The following MC5R variants were observed in gnomAD, a reference collection of about 807,000 sequenced individuals.
MC5R encodes the protein melanocortin 5 receptor, also known as melanocortin receptor 5.
For missense variants in MC5R, 420 were observed against 431.4 expected (o/e 0.97, Z 0.23); for synonymous variants, 167 against 164.4 (o/e 1.02, Z -0.12).
At position 13,825,739 on chromosome 18, in the gene MC5R, C is replaced by A; in HGVS notation, c.-27C>A. ...ACATGTTTTACAGTAAATTTGCTGC[C>A]AAGACAAGAGGTGTATTTCTCCAGC... On this transcript the variant is annotated 5_prime_UTR_variant, in exon 2 of 2. Transcript: ENST00000589410. 1 of 1,533,098 alleles carries A rather than the reference C, an allele frequency of 6.5e-7. No individual in the cohort carries two copies. Among genetic ancestry groups the A allele is most frequent in the South Asian group, 1.3e-5 (1 of 76,962 alleles). The allele number at this position is 1,533,098 out of a possible 1,614,324, so 95.0% of individuals were successfully genotyped here.
chr18:13,826,078 G>T lies in MC5R; in HGVS notation c.313G>T (p.Val105Leu). 6.2e-7 allele frequency: 1 copy of T among 1,614,124 alleles called. No individual in the cohort carries two copies. The stretch of plus-strand genomic sequence containing the variant: ...CTACCTACTCAACAACAAGCACCTA[G>T]TGATAGCAGACGCCTTTGTGCGCCA... ...TIYLLNNKHL[V>L]IADAFVRHID... is the part of the protein sequence containing the mutation. The change falls in exon 2 of 2, where the codon GTG becomes TTG. Residue 105 changes from valine (V) to leucine (L), a missense_variant. By Grantham distance (32) the Val-to-Leu change is conservative (BLOSUM62 1). Transcript: ENST00000589410.
Position 13,826,035 on chromosome 18 carries a change from C to T in MC5R, c.270C>T (p.Ala90=), listed in dbSNP as rs1456622431. The T allele has an allele frequency of 1.2e-6, 2 of 1,614,014 alleles. No homozygotes were observed. The highest frequency in any genetic ancestry group is 1.3e-5 in the African/African-American group (1 of 74,904). The change falls in exon 2 of 2, where the codon GCC becomes GCT. Residue 90 remains alanine (A), a synonymous_variant. Transcript: ENST00000589410. ...ACATGCTGGTGAGCATGTCCAGTGC[C>T]TGGGAGACCATCACCATCTACCTAC... is the stretch of plus-strand genomic sequence containing the variant. ...VADMLVSMSS[A]WETITIYLLN...
rs749323866 is a variant in MC5R, at chr18:13,826,588, T to G, written c.823T>G (p.Ser275Ala). ...PQNLYCSRFM[S>A]HFNMYLILIM... is the part of the protein sequence containing the mutation. The stretch of plus-strand genomic sequence containing the variant: ...GAACCTCTACTGCTCTCGCTTCATG[T>G]CTCACTTCAATATGTACCTCATACT... The change falls in exon 2 of 2, where the codon TCT becomes GCT. Residue 275 changes from serine (S) to alanine (A), a missense_variant. Transcript: ENST00000589410. 1.9e-6 allele frequency: 3 copies of G among 1,614,092 alleles called. No individual in the cohort carries two copies. The highest frequency in any genetic ancestry group is 2.5e-6 in the Non-Finnish European group (3 of 1,180,046).
chr18:13,826,729 C>G lies in MC5R; in HGVS notation c.964C>G (p.Pro322Ala). 6.2e-7 allele frequency: 1 copy of G among 1,608,982 alleles called. No individual in the cohort carries two copies. Reference protein sequence around the residue: ...CRGFRIACSFPRRD With the variant: ...CRGFRIACSFARRD ...TGGTTTCAGGATCGCCTGCAGCTTT[C>G]CCAGAAGGGATTAAGCACAAAGTGC... Residue 322 changes from proline to alanine, a missense_variant, in exon 2 of 2, where the codon CCC becomes GCC. Pro to Ala is a conservative substitution (Grantham distance 27, BLOSUM62 -1). Transcript: ENST00000589410.
intron 1 of MC5R, 53 bp from the exon 2 acceptor site, chr18:13,825,674 C>A: frequency 8.6e-7 from 1 of 1,165,084 alleles, no homozygotes; most frequent in Admixed American, 2.3e-5. Context: ...TGCTGTCTTT[C>A]TTTGGTAGGC....
rs1171149836 is a variant in MC5R at position 13,826,754 on chromosome 18, C to T, written c.*11C>T. On this transcript the variant is annotated 3_prime_UTR_variant, in exon 2 of 2. Coordinates refer to ENST00000589410, the MANE Select transcript of MC5R (RefSeq NM_005913.3). The stretch of plus-strand genomic sequence containing the variant: ...CCCAGAAGGGATTAAGCACAAAGTG[C>T]TCCTCTCTGTGGCTCTGTTCTCCTT... 6.3e-7 allele frequency: 1 copy of T among 1,593,088 alleles called. No individual in the cohort carries two copies. Among genetic ancestry groups the T allele is most frequent in the Non-Finnish European group, 8.5e-7 (1 of 1,171,524 alleles).
rs2044936032 is a variant in MC5R at position 13,827,166 on chromosome 18, T to C, written c.*423T>C. On this transcript the variant is annotated 3_prime_UTR_variant, in exon 2 of 2. Transcript: ENST00000589410. Reference sequence around the variant, plus strand: ...TCTCCCCAGAAGCAGGTCCACACTCTGCTGGCTGCACTCTGAGCTATGCAT... The same window carrying C: ...TCTCCCCAGAAGCAGGTCCACACTCCGCTGGCTGCACTCTGAGCTATGCAT... 6.0e-6 allele frequency: 1 copy of C among 165,740 alleles called. No homozygotes were observed. Among genetic ancestry groups the C allele is most frequent in the Non-Finnish European group, 1.3e-5 (1 of 77,228 alleles). The allele number at this position is 165,740 out of a possible 1,614,324, so 10.3% of individuals were successfully genotyped here. A position where few individuals can be genotyped will look rare whatever the true frequency, so the allele number is the denominator to read the frequency against.
At position 13,827,027 on chromosome 18, in the gene MC5R, T is replaced by G; in HGVS notation, c.*284T>G. 1 of 353,470 alleles carries G rather than the reference T, an allele frequency of 2.8e-6. No homozygotes were observed. The highest frequency in any genetic ancestry group is 5.2e-5 in the East Asian group (1 of 19,076). 21.9% of individuals were successfully genotyped at this position (353,470 alleles called of 1,614,324 possible). A position where few individuals can be genotyped will look rare whatever the true frequency, so the allele number is the denominator to read the frequency against. On this transcript the variant is annotated 3_prime_UTR_variant, in exon 2 of 2. Coordinates refer to ENST00000589410, the MANE Select transcript of MC5R (RefSeq NM_005913.3). The stretch of plus-strand genomic sequence containing the variant: ...CTGGGGGCCCCATCCACCCTCCACC[T>G]AGCAGGCATGTGCTCGGGGAATGCA...
At position 13,826,395 on chromosome 18, in the gene MC5R, CCTG is replaced by C; in HGVS notation, c.631_633del (p.Leu211del). The C allele has an allele frequency of 6.2e-7, 1 of 1,614,148 alleles. No individual in the cohort carries two copies. The highest frequency in any genetic ancestry group is 8.5e-7 in the Non-Finnish European group (1 of 1,180,032). On this transcript the variant is annotated inframe_deletion, in exon 2 of 2. Coordinates refer to ENST00000589410, the MANE Select transcript of MC5R (RefSeq NM_005913.3). ...TGTCTCTGTACATACACATGTTCCTCCTGGCGCGGACTCACGTCAAGCGGATCG... is the reference window on the plus strand; with the variant it reads ...TGTCTCTGTACATACACATGTTCCTCGCGCGGACTCACGTCAAGCGGATCG...
chr18:13,826,281 C>G lies in MC5R; in HGVS notation c.516C>G (p.Gly172=), dbSNP rs1454788556. 1 of 1,614,184 alleles carries G rather than the reference C, an allele frequency of 6.2e-7. No homozygotes were observed. The highest frequency in any genetic ancestry group is 8.5e-7 in the Non-Finnish European group (1 of 1,180,038). ...CCGGCATCTGGGCTTTCTGCACGGG[C>G]TGCGGCATTGTCTTCATCCTGTACT... The part of the protein sequence containing the change: ...IIAGIWAFCT[G]CGIVFILYSE... Residue 172 remains glycine, a synonymous_variant, in exon 2 of 2, where the codon GGC becomes GGG. Coordinates refer to ENST00000589410, the MANE Select transcript of MC5R (RefSeq NM_005913.3).
chr18:13,826,156 T>C lies in MC5R; in HGVS notation c.391T>C (p.Cys131Arg), dbSNP rs912681517. The change falls in exon 2 of 2, where the codon TGC (cysteine) becomes CGC (arginine). Residue 131 changes from cysteine (C) to arginine (R), a missense_variant. Physicochemically the swap from Cys to Arg is radical, Grantham distance 180. Transcript: ENST00000589410. ...CTGCATTTCCGTGGTGGCATCCATG[T>C]GCAGCTTACTGGCCATTGCAGTGGA... ...MICISVVASM[C>R]SLLAIAVDRY... 6.2e-7 allele frequency: 1 copy of C among 1,614,178 alleles called. No individual in the cohort carries two copies. Among genetic ancestry groups the C allele is most frequent in the Non-Finnish European group, 8.5e-7 (1 of 1,180,044 alleles).
In MC5R at chr18:13,827,168, C is replaced by G. The variant is rs1426290450; in HGVS notation, c.*425C>G. On this transcript the variant is annotated 3_prime_UTR_variant, in exon 2 of 2. Coordinates refer to ENST00000589410, the MANE Select transcript of MC5R (RefSeq NM_005913.3). Reference sequence around the variant, plus strand: ...TCCCCAGAAGCAGGTCCACACTCTGCTGGCTGCACTCTGAGCTATGCATGC... The same window carrying G: ...TCCCCAGAAGCAGGTCCACACTCTGGTGGCTGCACTCTGAGCTATGCATGC... 6.1e-6 allele frequency: 1 copy of G among 165,156 alleles called. No homozygotes were observed. The highest frequency in any genetic ancestry group is 2.4e-5 in the African/African-American group (1 of 41,748). The allele number at this position is 165,156 out of a possible 1,614,324, so 10.2% of individuals were successfully genotyped here. A position where few individuals can be genotyped will look rare whatever the true frequency, so the allele number is the denominator to read the frequency against.
At chr18:13,825,215 T>G (rs2044920433) in intron 1 of MC5R, among the ~76,000 whole-genome samples, 1 of 152,000 alleles carries the variant, frequency 6.6e-6, no homozygotes, top group South Asian at 2.1e-4. Flanking sequence ...GGCTGGGATT[T>G]TGTAGGTTAT....
chr18:13,826,222 A>C lies in MC5R; in HGVS notation c.457A>C (p.Ile153Leu). ...TIFYALRYHHIMTARRSGAII... is the reference protein window; with the variant it reads ...TIFYALRYHHLMTARRSGAII... ...CTTCTACGCCCTGCGCTACCACCAC[A>C]TCATGACGGCGAGGCGCTCAGGGGC... The change falls in exon 2 of 2, where the codon ATC becomes CTC. Residue 153 changes from isoleucine (I) to leucine (L), a missense_variant. By Grantham distance (5) the Ile-to-Leu change is conservative. Coordinates refer to ENST00000589410, the MANE Select transcript of MC5R (RefSeq NM_005913.3). 6.2e-7 allele frequency: 1 copy of C among 1,614,158 alleles called. No individual in the cohort carries two copies. The highest frequency in any genetic ancestry group is 8.5e-7 in the Non-Finnish European group (1 of 1,180,038).
In MC5R at chr18:13,826,480, A is replaced by G. The variant is rs1568533189; in HGVS notation, c.715A>G (p.Thr239Ala). 2 of 1,613,648 alleles carry G rather than the reference A, an allele frequency of 1.2e-6. No homozygotes were observed. Among genetic ancestry groups the G allele is most frequent in the East Asian group, 2.2e-5 (1 of 44,864 alleles). The change falls in exon 2 of 2, where the codon ACC (threonine) becomes GCC (alanine). Residue 239 changes from threonine to alanine, a missense_variant. Thr to Ala is a moderately conservative substitution (Grantham distance 58). Coordinates refer to ENST00000589410, the MANE Select transcript of MC5R (RefSeq NM_005913.3). The stretch of plus-strand genomic sequence containing the variant: ...GAGGACCAGCATGCAGGGCGCGGTC[A>G]CCGTCACCATGCTGCTGGGCGTGTT... ...RQRTSMQGAV[T>A]VTMLLGVFTV... is the part of the protein sequence containing the mutation.
Position 13,826,773 on chromosome 18 carries a change from TCTC to T in MC5R, c.*33_*35del, listed in dbSNP as rs2044933850. ...AAAGTGCTCCTCTCTGTGGCTCTGT[TCTC>T]CTTTGTTTGCTCACCTATGACAAAG... On this transcript the variant is annotated 3_prime_UTR_variant, in exon 2 of 2. Transcript: ENST00000589410. The T allele has an allele frequency of 6.4e-7, 1 of 1,562,664 alleles. No homozygotes were observed. The highest frequency in any genetic ancestry group is 8.6e-7 in the Non-Finnish European group (1 of 1,159,742).
chr18:13,824,919 G>A (rs1471277854), intron 1 of MC5R, among the ~76,000 whole-genome samples: 1 of 152,112 alleles, frequency 6.6e-6, no homozygotes, highest in Non-Finnish European at 1.5e-5. Flanking sequence ...GGGAAAAGCA[G>A]CACTGTTTTC....
At position 13,826,216 on chromosome 18, in the gene MC5R, C is replaced by CTG. The variant is rs1568532907; in HGVS notation, c.451_452insTG (p.His151LeufsTer5). 6.2e-7 allele frequency: 1 copy of CTG among 1,614,174 alleles called. No homozygotes were observed. Among genetic ancestry groups the CTG allele is most frequent in the Admixed American group, 1.7e-5 (1 of 60,032 alleles). ...CACCATCTTCTACGCCCTGCGCTAC[C>CTG]ACCACATCATGACGGCGAGGCGCTC... On this transcript the variant is annotated frameshift_variant, in exon 2 of 2. Transcript: ENST00000589410. LOFTEE classifies it low-confidence loss of function (END_TRUNC).
chr18:13,826,117 T>G lies in MC5R; in HGVS notation c.352T>G (p.Phe118Val). Reference sequence around the variant, plus strand: ...CTTTGTGCGCCACATTGACAATGTGTTTGACTCCATGATCTGCATTTCCGT... The same window carrying G: ...CTTTGTGCGCCACATTGACAATGTGGTTGACTCCATGATCTGCATTTCCGT... ...DAFVRHIDNV[F>V]DSMICISVVA... Residue 118 changes from phenylalanine (F) to valine (V), a missense_variant, in exon 2 of 2, where the codon TTT becomes GTT. Phe to Val is a conservative substitution (Grantham distance 50, BLOSUM62 -1). Coordinates refer to ENST00000589410, the MANE Select transcript of MC5R (RefSeq NM_005913.3). The G allele has an allele frequency of 6.2e-7, 1 of 1,614,100 alleles. No homozygotes were observed. Among genetic ancestry groups the G allele is most frequent in the Non-Finnish European group, 8.5e-7 (1 of 1,180,020 alleles).
Sources: allele counts gnomAD v4.1 joint callset (sites outside exome capture counted in the v4.1 genomes callset), GRCh38; gene constraint gnomAD v4.1.1; transcripts MANE v1.5; gene names NCBI Gene and HGNC (gene_info 2026-07-23, HGNC 2026-07-21).